The following CACNA1D variants were observed in gnomAD, a reference collection of about 807,000 sequenced individuals.
CACNA1D encodes voltage-dependent L-type calcium channel subunit alpha-1D.
CACNA1D carries 55 observed loss-of-function variants against 257.1 expected under a neutral mutation model. That is an observed-to-expected ratio of 0.21 (90% CI 0.17 to 0.27). The LOEUF (loss-of-function observed/expected upper bound fraction) is 0.27, where lower values mean the gene tolerates loss of function less well. Ranked by LOEUF, CACNA1D falls within the 10% of genes least tolerant of loss-of-function variation. CACNA1D has a pLI of 1.00. For synonymous variants in CACNA1D, 980 were observed against 1,014.9 expected, an observed-to-expected ratio of 0.97 and a Z score of 0.65; for missense variants, 1,876 against 2,784.0, an observed-to-expected ratio of 0.67 and a Z score of 7.34.
rs1419688330 is a variant in CACNA1D, at chr3:53,751,051, C to G, written c.3517-698C>G. On this transcript the variant is annotated intron_variant, in intron 27 of 47. Coordinates refer to ENST00000350061, the MANE Select transcript of CACNA1D (RefSeq NM_001128840.3). This position sits in a 1 kb window ranked among gnomAD's most constrained non-coding sequence, Gnocchi z 4.3. ...TGTCGCTACAGTGCTCCAGCTGGGCCCCAACCTGTGTTCAATCCAGCTGTC... is the reference window on the plus strand; with the variant it reads ...TGTCGCTACAGTGCTCCAGCTGGGCGCCAACCTGTGTTCAATCCAGCTGTC... 1.3e-5 allele frequency among the ~76,000 whole-genome samples: 2 copies of G among 152,006 alleles called. No homozygotes were observed. The highest frequency in any genetic ancestry group is 4.8e-5 in the African/African-American group (2 of 41,276).
rs17053363 is a variant in CACNA1D, at chr3:53,702,530, A to T, written c.1221-111A>T. The T allele has an allele frequency of 0.1, 101,990 of 976,524 alleles. 5,811 individuals carry two copies. Among genetic ancestry groups the T allele is most frequent in the African/African-American group, 0.12 (7,507 of 62,888 alleles). 60.5% of individuals were successfully genotyped at this position (976,524 alleles called of 1,614,324 possible). A position where few individuals can be genotyped will look rare whatever the true frequency, so the allele number is the denominator to read the frequency against. On this transcript the variant is annotated intron_variant, in intron 8 of 47. Transcript: ENST00000350061. ...TCCATTGCTGTGCTCATGTGACTATACTCAGTGCTGTGTGTCCTGCCCACA... is the reference window on the plus strand; with the variant it reads ...TCCATTGCTGTGCTCATGTGACTATTCTCAGTGCTGTGTGTCCTGCCCACA...
At chr3:53,694,094 G>A (rs2094552337) in intron 8 of CACNA1D, among the ~76,000 whole-genome samples, 1 of 152,182 alleles carries the variant, frequency 6.6e-6, no homozygotes, top group Non-Finnish European at 1.5e-5. Flanking sequence ...TGCAGCCTGG[G>A]CGTGCTGTCT....
chr3:53,714,736 A>T (rs946244367), intron 9 of CACNA1D, among the ~76,000 whole-genome samples: 1 of 152,134 alleles, frequency 6.6e-6, no homozygotes, highest in Admixed American at 6.5e-5. Context: ...GTTAGGAGAG[A>T]TTTCTCAGTG....
intron 3 of CACNA1D, among the ~76,000 whole-genome samples, chr3:53,629,975 G>C (rs2093804229): frequency 6.6e-6 from 1 of 152,216 alleles, no homozygotes; most frequent in South Asian, 2.1e-4. Flanking sequence ...GGAGGGAACT[G>C]AGGACAAAGT....
At position 53,810,164 on chromosome 3, in the gene CACNA1D, C is replaced by T. The variant is rs200170591; in HGVS notation, c.6058C>T (p.His2020Tyr). Reference sequence around the variant, plus strand: ...GGTGAACGGCAGCCTGCCGTCCCTGCACCGCAGCTCCTGGTACACAGACGA... The same window carrying T: ...GGTGAACGGCAGCCTGCCGTCCCTGTACCGCAGCTCCTGGTACACAGACGA... ...DQVNGSLPSL[H>Y]RSSWYTDEPD... The change falls in exon 47 of 48, where the codon CAC (histidine) becomes TAC (tyrosine). Residue 2020 changes from histidine to tyrosine, a missense_variant. Around this residue, in one of 10 missense-constraint regions of CACNA1D, gnomAD observed 491 missense variants for 554.3 expected, o/e 0.89. Transcript: ENST00000350061. 7 of 1,614,014 alleles carry T rather than the reference C, an allele frequency of 4.3e-6. No homozygotes were observed. In the Admixed American group the frequency reaches 6.7e-5, roughly 15 times the overall value.
At chr3:53,744,938 A>G (rs751766430) in intron 23 of CACNA1D, 111 bp downstream of exon 23, 71 of 718,296 alleles carry the variant, frequency 9.9e-5, no homozygotes, top group Non-Finnish European at 1.6e-4. Flanking sequence ...AAAGTGAGTT[A>G]TAAGGACCTT....
Position 53,723,722 on chromosome 3 carries a change from C to A in CACNA1D, c.1892+63C>A. 6.4e-7 allele frequency: 1 copy of A among 1,571,488 alleles called. No homozygotes were observed. Among genetic ancestry groups the A allele is most frequent in the Non-Finnish European group, 8.8e-7 (1 of 1,141,130 alleles). ...ACATGAGGCGGCAACCAGTCACATC[C>A]CCGGGCAGGTGATGTTCTGCTCTGT... On this transcript the variant is annotated intron_variant, in intron 13 of 47. Transcript: ENST00000350061. The surrounding 1 kb of genome is among the most constrained non-coding windows in gnomAD (Gnocchi z 5.6).
At chr3:53,747,171 C>T in intron 25 of CACNA1D, 131 bp from the exon 26 acceptor site, 2 of 792,740 alleles carry the variant, frequency 2.5e-6, no homozygotes, top group Non-Finnish European at 4.5e-6. Context: ...GTGTTATGCT[C>T]AGCTGTGTGA....
At chr3:53,543,166 C>G (rs569307176) in intron 3 of CACNA1D, among the ~76,000 whole-genome samples, 1 of 148,608 alleles carries the variant, frequency 6.7e-6, no homozygotes, top group Non-Finnish European at 1.5e-5. Context: ...AGAAGTCAAT[C>G]GGTACCATAA....
In CACNA1D at chr3:53,566,796, T is replaced by C. The variant is rs1031918347; in HGVS notation, c.483+65076T>C. ...GCCTCTCTGTCGGAAACTTGCACCA[T>C]TTAGGCAGCTCTTCCATGAGTATTC... On this transcript the variant is annotated intron_variant, in intron 3 of 47. Transcript: ENST00000350061. 8.5e-5 allele frequency among the ~76,000 whole-genome samples: 13 copies of C among 152,272 alleles called. No individual in the cohort carries two copies. In the East Asian group the frequency reaches 1.5e-3, roughly 18 times the overall value.
At chr3:53,629,059 G>A (rs1449397785) in intron 3 of CACNA1D, among the ~76,000 whole-genome samples, 11 of 152,318 alleles carry the variant, frequency 7.2e-5, no homozygotes, top group Middle Eastern at 3.4e-3. Context: ...TTTGTGGGCC[G>A]TGTGGTTTCT....
chr3:53,551,550 A>G lies in CACNA1D; in HGVS notation c.483+49830A>G, dbSNP rs759677340. Among the ~76,000 whole-genome samples the G allele has an allele frequency of 2.6e-5, 4 of 152,228 alleles. 1 individual carries two copies. The highest frequency in any genetic ancestry group is 1.5e-5 in the Non-Finnish European group (1 of 68,040). ...CACACATCTACATGCCTGTAAATGA[A>G]CTATGAGGTATCGAGTATGTGCTAC... On this transcript the variant is annotated intron_variant, in intron 3 of 47. Transcript: ENST00000350061.
chr3:53,641,635 C>T (rs1405002261), intron 3 of CACNA1D, among the ~76,000 whole-genome samples: 6 of 152,074 alleles, frequency 3.9e-5, no homozygotes, highest in Non-Finnish European at 8.8e-5. Flanking sequence ...CAAGGGAGCT[C>T]AGAGTCCATG....
chr3:53,512,196 A>G (rs1248587774), intron 3 of CACNA1D, among the ~76,000 whole-genome samples: 1 of 152,228 alleles, frequency 6.6e-6, no homozygotes, highest in African/African-American at 2.4e-5. Flanking sequence ...ATCTTTCTAA[A>G]GCTCTTTTCA....
In CACNA1D at chr3:53,708,777, C is replaced by T. The variant is rs116409054; in HGVS notation, c.1390+5967C>T. 5.2e-3 allele frequency among the ~76,000 whole-genome samples: 797 copies of T among 152,286 alleles called. 6 individuals carry two copies. Among genetic ancestry groups the T allele is most frequent in the African/African-American group, 0.018 (727 of 41,536 alleles). ...ATATAAAGTAAGAAAAAAATTCTCT[C>T]TTCCTTCTCCTTAAAGAGAGGCAGA... On this transcript the variant is annotated intron_variant, in intron 9 of 47. Coordinates refer to ENST00000350061, the MANE Select transcript of CACNA1D (RefSeq NM_001128840.3).
At chr3:53,624,228 T>C (rs1258188944) in intron 3 of CACNA1D, among the ~76,000 whole-genome samples, 2 of 152,238 alleles carry the variant, frequency 1.3e-5, no homozygotes, top group African/African-American at 4.8e-5. Context: ...AGAGATTGGA[T>C]CAACACTCCA....
chr3:53,790,637 G>A (rs35187993), intron 40 of CACNA1D, among the ~76,000 whole-genome samples: 3,665 of 152,314 alleles, frequency 0.024, 63 homozygotes, highest in Non-Finnish European at 0.037. Context: ...TGCCCGAGCC[G>A]CCAGTTGGCG....
At chr3:53,563,821 A>G (rs1030763470) in intron 3 of CACNA1D, among the ~76,000 whole-genome samples, 3 of 152,156 alleles carry the variant, frequency 2.0e-5, no homozygotes, top group Non-Finnish European at 2.9e-5. Context: ...CTAAAAAGAG[A>G]TAATTCAAAT....
At chr3:53,533,446 A>G (rs2092013902) in intron 3 of CACNA1D, among the ~76,000 whole-genome samples, 1 of 152,164 alleles carries the variant, frequency 6.6e-6, no homozygotes, top group Non-Finnish European at 1.5e-5. Flanking sequence ...GTTATTCCCT[A>G]TCAGATGGTC....
Sources: gnomAD v4.1 joint callset for allele counts (sites outside exome capture counted in the v4.1 genomes callset) on GRCh38, gnomAD v4.1.1 for gene constraint, gnomAD v4.1.1 regional missense constraint, Gnocchi (gnomAD v3.1) non-coding constraint, MANE v1.5 for transcripts, NCBI Gene and HGNC (gene_info 2026-07-23, HGNC 2026-07-21) for gene names.